SEPTIN14: variants seen among roughly 807,000 people sequenced by gnomAD.
SEPTIN14 encodes septin-14.
SEPTIN14 carries 40 observed loss-of-function variants against 53.6 expected under a neutral mutation model. That is an observed-to-expected ratio of 0.75 (90% confidence interval 0.58 to 0.97). The LOEUF (loss-of-function observed/expected upper bound fraction) is 0.97. SEPTIN14 is among the 50% of genes least tolerant of loss of function. The pLI is 0.00. For missense variants in SEPTIN14, 471 were observed against 508.2 expected, an observed-to-expected ratio of 0.93 and a Z score of 0.70; for synonymous variants, 138 against 166.8, an observed-to-expected ratio of 0.83 and a Z score of 1.33.
intron 6 of SEPTIN14, among the ~76,000 whole-genome samples, chr7:55,830,721 A>AG (rs1789094848): frequency 6.6e-6 from 1 of 152,102 alleles, no homozygotes; most frequent in Admixed American, 6.6e-5. Flanking sequence ...TTAAAAAAAA[A>AG]GAAAATGGGT....
chr7:55,828,886 T>G (rs1298523158), intron 6 of SEPTIN14, among the ~76,000 whole-genome samples: 1 of 152,150 alleles, frequency 6.6e-6, no homozygotes, highest in East Asian at 1.9e-4. Context: ...AGACAATTTT[T>G]CTGATTATTC....
intron 2 of SEPTIN14, among the ~76,000 whole-genome samples, chr7:55,857,308 G>C (rs561098477): frequency 2.3e-4 from 34 of 150,714 alleles, no homozygotes; most frequent in African/African-American, 7.8e-4. Context: ...GGAGGCAGAG[G>C]CTGCAGTGAG....
intron 7 of SEPTIN14, among the ~76,000 whole-genome samples, chr7:55,810,389 T>A (rs931236766): frequency 6.6e-6 from 1 of 152,102 alleles, no homozygotes; most frequent in African/African-American, 2.4e-5. Flanking sequence ...GATGTATAAG[T>A]TGCAAATATT....
At chr7:55,825,181 A>T (rs1314746736) in intron 6 of SEPTIN14, among the ~76,000 whole-genome samples, 16 of 152,228 alleles carry the variant, frequency 1.1e-4, no homozygotes, top group South Asian at 8.3e-4. Context: ...TCAGCTATCA[A>T]GCCACAAAAA....
intron 7 of SEPTIN14, among the ~76,000 whole-genome samples, chr7:55,810,034 G>C (rs1391775884): frequency 6.6e-6 from 1 of 151,606 alleles, no homozygotes; most frequent in African/African-American, 2.4e-5. Context: ...GGGTTTCACC[G>C]CGTTAGCCAG....
At position 55,849,946 on chromosome 7, in the gene SEPTIN14, AC is replaced by A. The variant is rs1301848521; in HGVS notation, c.55-3310del. Among the ~76,000 whole-genome samples the A allele has an allele frequency of 2.6e-5, 4 of 152,182 alleles. No individual in the cohort carries two copies. The South Asian group carries it at 8.3e-4, about 32-fold the overall frequency. ...TAAATAAATTTCATTGGGAAAAAAAACAAATTATAAAAATGACACAATGGGA... is the reference window on the plus strand; with the variant it reads ...TAAATAAATTTCATTGGGAAAAAAAAAAATTATAAAAATGACACAATGGGA... On this transcript the variant is annotated intron_variant, in intron 2 of 9. Transcript: ENST00000388975.
intron 6 of SEPTIN14, among the ~76,000 whole-genome samples, chr7:55,825,034 A>C (rs1362837081): frequency 6.6e-6 from 1 of 152,204 alleles, no homozygotes; most frequent in Non-Finnish European, 1.5e-5. Flanking sequence ...TCCATACAAA[A>C]GCCTGCACAC....
chr7:55,799,518 CAAAAA>C (rs59445168), intron 9 of SEPTIN14, among the ~76,000 whole-genome samples: 1 of 62,898 alleles, frequency 1.6e-5, no homozygotes, highest in South Asian at 4.6e-4. Flanking sequence ...ACTCTTGTCT[CAAAAA>C]AAAAAAAAAA....
chr7:55,807,607 T>A (rs1788629934), intron 7 of SEPTIN14, among the ~76,000 whole-genome samples: 1 of 152,334 alleles, frequency 6.6e-6, no homozygotes, highest in South Asian at 2.1e-4. Flanking sequence ...GCTAACAGAA[T>A]ATGTAATATA....
At chr7:55,821,146 T>C (rs1316059295) in intron 6 of SEPTIN14, among the ~76,000 whole-genome samples, 2 of 152,054 alleles carry the variant, frequency 1.3e-5, no homozygotes, top group African/African-American at 4.8e-5. Context: ...TATTTGAGAG[T>C]TGGAGGCTCC....
intron 2 of SEPTIN14, among the ~76,000 whole-genome samples, chr7:55,847,851 C>A (rs928635593): frequency 2.0e-5 from 3 of 152,092 alleles, no homozygotes; most frequent in Non-Finnish European, 4.4e-5. Context: ...ACAAAGTTAC[C>A]AACTGATCAT....
intron 2 of SEPTIN14, among the ~76,000 whole-genome samples, chr7:55,849,885 A>G (rs1005542714): frequency 1.3e-5 from 2 of 152,228 alleles, no homozygotes; most frequent in African/African-American, 4.8e-5. Context: ...TTTGCCAATG[A>G]TTTTGAAATA....
intron 6 of SEPTIN14, among the ~76,000 whole-genome samples, chr7:55,833,369 C>G (rs1476380469): frequency 6.6e-6 from 1 of 150,924 alleles, no homozygotes; most frequent in Non-Finnish European, 1.5e-5. Context: ...CAAACACACA[C>G]ACACAAATAG....
intron 5 of SEPTIN14, among the ~76,000 whole-genome samples, chr7:55,834,799 C>A (rs1562714789): frequency 2.0e-5 from 3 of 152,034 alleles, no homozygotes; most frequent in Admixed American, 2.0e-4. Flanking sequence ...CCCGCCACCA[C>A]GCCCGGCTAA....
intron 2 of SEPTIN14, among the ~76,000 whole-genome samples, chr7:55,855,087 C>T: frequency 6.6e-6 from 1 of 151,520 alleles, no homozygotes; most frequent in South Asian, 2.1e-4. Flanking sequence ...CGGCTCACTG[C>T]AAGCTCTGCC....
At chr7:55,842,134 G>T (rs1051554724) in intron 5 of SEPTIN14, among the ~76,000 whole-genome samples, 4 of 152,166 alleles carry the variant, frequency 2.6e-5, no homozygotes, top group African/African-American at 9.7e-5. Flanking sequence ...TAGCCTAGGA[G>T]CAATAGGCCA....
chr7:55,835,782 G>A (rs747837814), intron 5 of SEPTIN14, among the ~76,000 whole-genome samples: 7 of 151,884 alleles, frequency 4.6e-5, no homozygotes, highest in Non-Finnish European at 7.4e-5. Context: ...TTGCTCTGTC[G>A]CCCAGGCTGG....
At chr7:55,828,281 T>C (rs1031198497) in intron 6 of SEPTIN14, among the ~76,000 whole-genome samples, 1 of 150,074 alleles carries the variant, frequency 6.7e-6, no homozygotes, top group Admixed American at 6.7e-5. Flanking sequence ...CACTGAAGGG[T>C]TGGGTTACAG....
intron 9 of SEPTIN14, among the ~76,000 whole-genome samples, chr7:55,802,298 C>A (rs2115954727): frequency 6.6e-6 from 1 of 152,192 alleles, no homozygotes; most frequent in Non-Finnish European, 1.5e-5. Context: ...AGCCACCTCG[C>A]CTGGCCAGGA....
Sources: gnomAD v4.1 joint callset for allele counts (sites outside exome capture counted in the v4.1 genomes callset) on GRCh38, gnomAD v4.1.1 for gene constraint, MANE v1.5 for transcripts, NCBI Gene and HGNC (gene_info 2026-07-23, HGNC 2026-07-21) for gene names.